ALG6: variants seen among roughly 807,000 people sequenced by gnomAD.
ALG6 encodes the protein ALG6 alpha-1,3-glucosyltransferase, also known as dolichyl pyrophosphate Man9GlcNAc2 alpha-1,3-glucosyltransferase.
A neutral mutation model predicts 66.6 loss-of-function variants in ALG6; 46 were observed. The observed-to-expected ratio is 0.69, with a 90% CI of 0.55 to 0.88. The LOEUF (loss-of-function observed/expected upper bound fraction) is 0.88, where lower values mean the gene tolerates loss of function less well. Among genes scored for constraint, ALG6 ranks in the 40% least tolerant of loss-of-function variants. The pLI is 0.00. For missense variants in ALG6, 505 were observed against 586.8 expected (o/e 0.86, Z 1.44); for synonymous variants, 185 against 203.7 (o/e 0.91, Z 0.78).
At position 63,436,831 on chromosome 1, in the gene ALG6, C is replaced by G; in HGVS notation, c.1335C>G (p.Ile445Met). ...CCTTTTTTTCCTTGCAGTTTCTTAT[C>G]TCAGTCATCACTATGGTGCTTCTGA... is the stretch of plus-strand genomic sequence containing the variant. ...LSRIIQYLFLISVITMVLLTL... is the reference protein window; with the variant it reads ...LSRIIQYLFLMSVITMVLLTL... The change falls in exon 15 of 15, where the codon ATC becomes ATG. Residue 445 changes from isoleucine to methionine, a missense_variant. Ile to Met is a conservative substitution (Grantham distance 10). Coordinates refer to ENST00000263440, the MANE Select transcript of ALG6 (RefSeq NM_013339.4). The G allele has an allele frequency of 6.2e-7, 1 of 1,613,728 alleles. No homozygotes were observed. The highest frequency in any genetic ancestry group is 8.5e-7 in the Non-Finnish European group (1 of 1,179,720).
At chr1:63,431,008 A>G (rs1182768012) in intron 14 of ALG6, among the ~76,000 whole-genome samples, 3 of 152,038 alleles carry the variant, frequency 2.0e-5, no homozygotes, top group Non-Finnish European at 4.4e-5. Flanking sequence ...TAAGAGTTTT[A>G]TAGTTTTTAA....
intron 8 of ALG6, 61 bp downstream of exon 8, chr1:63,411,392 T>C: frequency 6.8e-7 from 1 of 1,464,058 alleles, no homozygotes; most frequent in East Asian, 2.3e-5. Context: ...TTTGGCATAC[T>C]TACTTGCAGT....
intron 9 of ALG6, 151 bp downstream of exon 9, chr1:63,412,212 T>A: frequency 7.8e-7 from 1 of 1,284,144 alleles, no homozygotes; most frequent in Non-Finnish European, 1.1e-6. Context: ...ATTAATTGAT[T>A]GGTTGAGACA....
In ALG6 at chr1:63,415,932, C is replaced by G; in HGVS notation, c.962C>G (p.Ser321Cys). The G allele has an allele frequency of 3.1e-6, 5 of 1,611,918 alleles. No individual in the cohort carries two copies. In the South Asian group the frequency reaches 5.5e-5, roughly 18 times the overall value. ...PACIKLILQP[S>C]SKGFKFTLVS... ...TGCATAAAATTAATACTTCAGCCCTCTTCCAAAGGATTCAAATTTACACTG... is the reference window on the plus strand; with the variant it reads ...TGCATAAAATTAATACTTCAGCCCTGTTCCAAAGGATTCAAATTTACACTG... The change falls in exon 11 of 15, where the codon TCT becomes TGT. Residue 321 changes from serine (S) to cysteine (C), a missense_variant. Ser to Cys is a moderately radical substitution (Grantham distance 112). Coordinates refer to ENST00000263440, the MANE Select transcript of ALG6 (RefSeq NM_013339.4).
intron 10 of ALG6, among the ~76,000 whole-genome samples, chr1:63,415,116 C>T (rs961889788): frequency 6.6e-6 from 1 of 152,146 alleles, no homozygotes; most frequent in Admixed American, 6.5e-5. Context: ...ATGAGAATTT[C>T]CCTTGTAGCC....
intron 2 of ALG6, among the ~76,000 whole-genome samples, chr1:63,376,064 T>C (rs1372649999): frequency 2.0e-5 from 3 of 152,192 alleles, no homozygotes; most frequent in Non-Finnish European, 4.4e-5. Flanking sequence ...TGGGGATTCA[T>C]TCTGAGAAAT....
At chr1:63,423,920 A>T (rs2100435379) in intron 12 of ALG6, among the ~76,000 whole-genome samples, 1 of 152,342 alleles carries the variant, frequency 6.6e-6, no homozygotes, top group South Asian at 2.1e-4. Flanking sequence ...GCACCACTTA[A>T]CATTCCCACT....
At position 63,422,262 on chromosome 1, in the gene ALG6, GATATAAATATAT is replaced by G. The variant is rs1201693306; in HGVS notation, c.1058+2839_1058+2850del. On this transcript the variant is annotated intron_variant, in intron 12 of 14. Transcript: ENST00000263440. ...ATATATAAATATATATATTTATATA[GATATAAATATAT>G]ATATAAATATATATATTTATATAGA... 7.7e-4 allele frequency among the ~76,000 whole-genome samples: 24 copies of G among 31,004 alleles called. 2 individuals carry two copies. The highest frequency in any genetic ancestry group is 1.1e-3 in the Non-Finnish European group (21 of 19,596). 20.3% of individuals were successfully genotyped at this position (31,004 alleles called of 152,430 possible).
chr1:63,404,097 A>G (rs1383497823), intron 4 of ALG6, among the ~76,000 whole-genome samples: 3 of 152,210 alleles, frequency 2.0e-5, no homozygotes, highest in Non-Finnish European at 4.4e-5. Flanking sequence ...AAAATATTAT[A>G]AATTGTAAAG....
In ALG6 at chr1:63,428,939, T is replaced by A; in HGVS notation, c.1139T>A (p.Leu380His). 3.1e-6 allele frequency: 5 copies of A among 1,613,298 alleles called. No homozygotes were observed. Among genetic ancestry groups the A allele is most frequent in the Non-Finnish European group, 4.2e-6 (5 of 1,179,608 alleles). The change falls in exon 14 of 15, where the codon CTT becomes CAT. Residue 380 changes from leucine to histidine, a missense_variant. Coordinates refer to ENST00000263440, the MANE Select transcript of ALG6 (RefSeq NM_013339.4). ...LLVSTFSMLPLLLKDELLMPS... is the reference protein window; with the variant it reads ...LLVSTFSMLPHLLKDELLMPS... ...ATTTTCCTTTACAGTATGCTACCTC[T>A]TCTATTGAAGGATGAACTCCTAATG...
chr1:63,389,339 C>A (rs1396316515), intron 2 of ALG6, among the ~76,000 whole-genome samples: 1 of 152,098 alleles, frequency 6.6e-6, no homozygotes, highest in Non-Finnish European at 1.5e-5. Context: ...CTAATTCTTT[C>A]TTTTGCTTGA....
chr1:63,436,553 C>T (rs973637870), intron 14 of ALG6, among the ~76,000 whole-genome samples: 2 of 152,012 alleles, frequency 1.3e-5, no homozygotes, highest in African/African-American at 2.4e-5. Context: ...GACAGGGGTC[C>T]TCAGGTTTTG....
rs866764526 is a variant in ALG6, at chr1:63,422,244, A to T, written c.1058+2804A>T. ...TTATATAAATATAAATATATATATA[A>T]ATATATATATTTATATAGATATAAA... On this transcript the variant is annotated intron_variant, in intron 12 of 14. Coordinates refer to ENST00000263440, the MANE Select transcript of ALG6 (RefSeq NM_013339.4). Among the ~76,000 whole-genome samples the T allele has an allele frequency of 8.6e-4, 23 of 26,782 alleles. 1 individual carries two copies. The East Asian group carries it at 0.015, about 17-fold the overall frequency. 17.6% of individuals were successfully genotyped at this position (26,782 alleles called of 152,430 possible).
intron 7 of ALG6, among the ~76,000 whole-genome samples, chr1:63,410,576 C>A (rs960519021): frequency 6.6e-6 from 1 of 152,010 alleles, no homozygotes; most frequent in African/African-American, 2.4e-5. Context: ...TATTAAATTC[C>A]TTTTCCTATT....
At chr1:63,386,720 C>T (rs1046263615) in intron 2 of ALG6, among the ~76,000 whole-genome samples, 15 of 152,036 alleles carry the variant, frequency 9.9e-5, no homozygotes, top group Non-Finnish European at 2.1e-4. Context: ...CCTAGTCTGG[C>T]TAAAAGTGTC....
At chr1:63,414,255 C>CTTTTTT in intron 10 of ALG6, 109 bp downstream of exon 10, 1 of 619,776 alleles carries the variant, frequency 1.6e-6, no homozygotes, top group South Asian at 1.9e-5. Context: ...TTTTTCTTTT[C>CTTTTTT]TTTTTTTTTT....
intron 3 of ALG6, among the ~76,000 whole-genome samples, chr1:63,401,911 AC>A (rs1644466887): frequency 6.6e-6 from 1 of 152,116 alleles, no homozygotes; most frequent in Non-Finnish European, 1.5e-5. Flanking sequence ...TGGACATTAG[AC>A]CTACTTTTCT....
chr1:63,412,269 G>T (rs1401022915), intron 9 of ALG6, among the ~76,000 whole-genome samples: 1 of 152,088 alleles, frequency 6.6e-6, no homozygotes, highest in Non-Finnish European at 1.5e-5. Flanking sequence ...ATTCGCAGGG[G>T]TAATCATGGT....
At chr1:63,423,741 T>G (rs1297912126) in intron 12 of ALG6, among the ~76,000 whole-genome samples, 1 of 152,136 alleles carries the variant, frequency 6.6e-6, no homozygotes, top group Non-Finnish European at 1.5e-5. Context: ...CATTCCTCAG[T>G]TGATGGACAT....
Sources: gnomAD v4.1 joint callset for allele counts (sites outside exome capture counted in the v4.1 genomes callset) on GRCh38, gnomAD v4.1.1 for gene constraint, MANE v1.5 for transcripts, NCBI Gene and HGNC (gene_info 2026-07-23, HGNC 2026-07-21) for gene names.